The following ZNF276 variants were observed in gnomAD, a reference collection of about 807,000 sequenced individuals.
ZNF276 encodes the protein zinc finger protein 276.
In ZNF276, 59 loss-of-function variants were observed where a neutral mutation model predicts 63.9. That is an observed-to-expected ratio of 0.92 (90% CI 0.75 to 1.15). The LOEUF (loss-of-function observed/expected upper bound fraction) is 1.15, where lower values mean the gene tolerates loss of function less well. Ranked by LOEUF, ZNF276 falls within the 50% of genes most tolerant of loss-of-function variation. The probability of loss-of-function intolerance (pLI) is 0.00; values close to 1 mark genes in which losing one functional copy is unlikely to be tolerated. For missense variants in ZNF276, 1,084 were observed against 843.8 expected, an observed-to-expected ratio of 1.28 and a Z score of -3.53; for synonymous variants, 496 against 348.4, an observed-to-expected ratio of 1.42 and a Z score of -4.72.
chr16:89,729,483 GGGGCAGGC>G (rs1018008706), intron 6 of ZNF276, among the ~76,000 whole-genome samples, 165 bp downstream of exon 6: 1 of 151,772 alleles, frequency 6.6e-6, no homozygotes, highest in Non-Finnish European at 1.5e-5. Flanking sequence ...AGGCGGGGGA[GGGGCAGGC>G]GGGCAGGTGA....
chr16:89,724,637 A>G lies in ZNF276; in HGVS notation c.1006+928A>G, dbSNP rs530191742. Among the ~76,000 whole-genome samples the G allele has an allele frequency of 2.0e-5, 3 of 152,226 alleles. No homozygotes were observed. The South Asian group carries it at 6.2e-4, about 32-fold the overall frequency. On this transcript the variant is annotated intron_variant, in intron 4 of 10. Coordinates refer to ENST00000443381, the MANE Select transcript of ZNF276 (RefSeq NM_001113525.2). Reference sequence around the variant, plus strand: ...ACTCCAGCCTGGGTGACAGAGCAAGACTCTGTCCCAAACAGAAACACAGCT... The same window carrying G: ...ACTCCAGCCTGGGTGACAGAGCAAGGCTCTGTCCCAAACAGAAACACAGCT...
intron 9 of ZNF276, among the ~76,000 whole-genome samples, chr16:89,736,690 G>A (rs1345507504): frequency 6.6e-6 from 1 of 150,420 alleles, no homozygotes; most frequent in Non-Finnish European, 1.5e-5. Context: ...AGCTACTTGA[G>A]AGGTTGAGGC....
rs2062053592 is a variant in ZNF276 at position 89,739,135 on chromosome 16, G to A, written c.*889G>A. 1 of 1,613,994 alleles carries A rather than the reference G, an allele frequency of 6.2e-7. No homozygotes were observed. The highest frequency in any genetic ancestry group is 1.1e-5 in the South Asian group (1 of 91,070). ...GTGGGACTGGCCCTTGCACCTGCCT[G>A]ACCCTTGAGCTCCAGGCTCCTGCCA... On this transcript the variant is annotated 3_prime_UTR_variant, in exon 11 of 11. Transcript: ENST00000443381.
Position 89,723,387 on chromosome 16 carries a change from C to G in ZNF276, c.684C>G (p.Ile228Met). The change falls in exon 4 of 11, where the codon ATC becomes ATG. Residue 228 changes from isoleucine (I) to methionine (M), a missense_variant. Transcript: ENST00000443381. ...TGTCCTCCGAGTACTGCGGCGTCAT[C>G]CAGGTCGTGTGGGGCTGCGACCAGG... ...RTLSSEYCGV[I>M]QVVWGCDQGH... The G allele has an allele frequency of 1.9e-6, 3 of 1,613,068 alleles. No homozygotes were observed. The South Asian group carries it at 3.3e-5, about 18-fold the overall frequency.
intron 6 of ZNF276, 128 bp downstream of exon 6, chr16:89,729,446 G>T (rs1178959248): frequency 8.5e-6 from 7 of 827,368 alleles, no homozygotes; most frequent in Non-Finnish European, 9.7e-6. Context: ...CGAGCCCAGT[G>T]AAACGTGGCT....
At position 89,737,843 on chromosome 16, in the gene ZNF276, C is replaced by G; in HGVS notation, c.1512C>G (p.Thr504=). ...RNYICDECGQ[T]FKQRKHLLVH... is the part of the protein sequence containing the mutation. Reference sequence around the variant, plus strand: ...ATATCTGTGACGAATGTGGACAAACCTTCAAGCAGCGGAAGCACCTTCTCG... The same window carrying G: ...ATATCTGTGACGAATGTGGACAAACGTTCAAGCAGCGGAAGCACCTTCTCG... The change falls in exon 10 of 11, where the codon ACC becomes ACG. Residue 504 remains threonine, a synonymous_variant. Transcript: ENST00000443381. 3 of 1,614,174 alleles carry G rather than the reference C, an allele frequency of 1.9e-6. No homozygotes were observed. The highest frequency in any genetic ancestry group is 2.5e-6 in the Non-Finnish European group (3 of 1,180,046).
upstream of ZNF276, chr16:89,721,428 C>T (rs1456237021): frequency 1.8e-5 from 8 of 432,718 alleles, no homozygotes; most frequent in South Asian, 3.3e-4. Flanking sequence ...GGGAGCGGTA[C>T]GAGCGGGGGC....
chr16:89,737,937 T>G, intron 10 of ZNF276, 32 bp downstream of exon 10: 1 of 1,613,904 alleles, frequency 6.2e-7, no homozygotes, highest in Non-Finnish European at 8.5e-7. Flanking sequence ...CTCCCAGGGC[T>G]GTGGCCCTCG....
At chr16:89,733,693 G>C (rs759049086) in intron 8 of ZNF276, 136 bp downstream of exon 8, 25 of 1,035,190 alleles carry the variant, frequency 2.4e-5, no homozygotes, top group Non-Finnish European at 3.5e-5. Flanking sequence ...ACCTGAAGCA[G>C]TCCTAGCCAG....
chr16:89,738,683 T>G lies in ZNF276; in HGVS notation c.*437T>G, dbSNP rs2151709895. ...CTGGAGGGCGGCGCTCACCTCTGGG[T>G]CGCAGTCCCCACGATCAGCCAGCAG... On this transcript the variant is annotated 3_prime_UTR_variant, in exon 11 of 11. Transcript: ENST00000443381. 6.2e-7 allele frequency: 1 copy of G among 1,613,736 alleles called. No individual in the cohort carries two copies. The highest frequency in any genetic ancestry group is 8.5e-7 in the Non-Finnish European group (1 of 1,180,000).
In ZNF276 at chr16:89,733,261, G is replaced by A. The variant is rs1005077617; in HGVS notation, c.1170-41G>A. 3.8e-6 allele frequency: 6 copies of A among 1,565,224 alleles called. No homozygotes were observed. In the South Asian group the frequency reaches 4.5e-5, roughly 12 times the overall value. On this transcript the variant is annotated intron_variant, in intron 6 of 10. Transcript: ENST00000443381. ...AGAGACAAAAAACATTTTGCAAATG[G>A]AGATCAGAAACCATTGAATTTGGGA...
At chr16:89,730,820 C>G (rs1166038075) in intron 6 of ZNF276, among the ~76,000 whole-genome samples, 1 of 152,198 alleles carries the variant, frequency 6.6e-6, no homozygotes, top group African/African-American at 2.4e-5. Flanking sequence ...GCCTCCCAGT[C>G]TTGTCAACCC....
chr16:89,731,036 A>G (rs2061630707), intron 6 of ZNF276, among the ~76,000 whole-genome samples: 1 of 152,234 alleles, frequency 6.6e-6, no homozygotes, highest in South Asian at 2.1e-4. Flanking sequence ...CGTCCCAAAC[A>G]CGAGGGCACA....
chr16:89,735,321 T>C (rs2061821069), intron 9 of ZNF276, among the ~76,000 whole-genome samples: 1 of 152,134 alleles, frequency 6.6e-6, no homozygotes, highest in Admixed American at 6.5e-5. Flanking sequence ...TGAGGACAAC[T>C]GTATATTGAT....
intron 5 of ZNF276, among the ~76,000 whole-genome samples, chr16:89,728,380 A>G (rs542329160): frequency 6.6e-6 from 1 of 150,472 alleles, no homozygotes; most frequent in Admixed American, 6.6e-5. Flanking sequence ...GCCCGCCACC[A>G]CACCCAGCTA....
chr16:89,720,404 C>G (rs2061223327), upstream of ZNF276: 2 of 1,009,786 alleles, frequency 2.0e-6, no homozygotes, highest in Non-Finnish European at 2.4e-6. Flanking sequence ...CGGATTAAAT[C>G]TACCATCTCT....
chr16:89,721,787 C>T lies in ZNF276; in HGVS notation c.147C>T (p.Arg49=). The change falls in exon 1 of 11, where the codon CGC becomes CGT. Residue 49 remains arginine, a synonymous_variant. Coordinates refer to ENST00000443381, the MANE Select transcript of ZNF276 (RefSeq NM_001113525.2). ...GGGTGGACGGGGCGACGGCGCGGCG[C>T]GCCTGGGGCCCGGTGGGGTCCTGCG... ...GPRVDGATAR[R]AWGPVGSCGD... 5.6e-6 allele frequency: 7 copies of T among 1,258,772 alleles called. No homozygotes were observed. Among genetic ancestry groups the T allele is most frequent in the Non-Finnish European group, 7.0e-6 (7 of 1,002,712 alleles). 78.0% of individuals were successfully genotyped at this position (1,258,772 alleles called of 1,614,324 possible). A position where few individuals can be genotyped will look rare whatever the true frequency, so the allele number is the denominator to read the frequency against.
In ZNF276 at chr16:89,737,615, C is replaced by T. The variant is rs16966023; in HGVS notation, c.1475-191C>T. The T allele has an allele frequency of 0.019, 20,851 of 1,096,920 alleles. 763 individuals are homozygous for T. Among genetic ancestry groups the T allele is most frequent in the African/African-American group, 0.12 (7,449 of 62,888 alleles). 67.9% of individuals were successfully genotyped at this position (1,096,920 alleles called of 1,614,324 possible). A position where few individuals can be genotyped will look rare whatever the true frequency, so the allele number is the denominator to read the frequency against. ...GAAATGCACACAGCTGATGAAGCCA[C>T]GTGACAGTGTATAAAGCAGTTTAAA... On this transcript the variant is annotated intron_variant, in intron 9 of 10. Coordinates refer to ENST00000443381, the MANE Select transcript of ZNF276 (RefSeq NM_001113525.2).
Position 89,740,294 on chromosome 16 carries a change from C to T in ZNF276, c.*2048C>T, listed in dbSNP as rs1218112897. 2.3e-5 allele frequency: 14 copies of T among 605,038 alleles called. No individual in the cohort carries two copies. The highest frequency in any genetic ancestry group is 5.5e-5 in the South Asian group (3 of 54,444). 37.5% of individuals were successfully genotyped at this position (605,038 alleles called of 1,614,324 possible). A position where few individuals can be genotyped will look rare whatever the true frequency, so the allele number is the denominator to read the frequency against. Reference sequence around the variant, plus strand: ...GGCTCAGGTAGGAGGCCAGGGACTTCGAGCACCCACACCAAGGCTGCTGCA... The same window carrying T: ...GGCTCAGGTAGGAGGCCAGGGACTTTGAGCACCCACACCAAGGCTGCTGCA... On this transcript the variant is annotated 3_prime_UTR_variant, in exon 11 of 11. Transcript: ENST00000443381.
Sources: allele counts gnomAD v4.1 joint callset (sites outside exome capture counted in the v4.1 genomes callset), GRCh38; gene constraint gnomAD v4.1.1; transcripts MANE v1.5; gene names NCBI Gene and HGNC (gene_info 2026-07-23, HGNC 2026-07-21).